The following LRP6 variants were observed in gnomAD, a reference collection of about 807,000 sequenced individuals.
LRP6 encodes low-density lipoprotein receptor-related protein 6.
LRP6 carries 43 observed loss-of-function variants against 184.1 expected under a neutral mutation model. That is an observed-to-expected ratio of 0.23 (90% CI 0.18 to 0.30). LRP6 has a LOEUF of 0.30. Ranked by LOEUF, LRP6 falls within the 10% of genes least tolerant of loss-of-function variation. LRP6 has a pLI of 1.00. For synonymous variants in LRP6, 719 were observed against 684.9 expected (o/e 1.05, Z -0.78); for missense variants, 1,571 against 2,005.3 (o/e 0.78, Z 4.14).
At chr12:12,183,321 T>C (rs1013418187) in intron 5 of LRP6, among the ~76,000 whole-genome samples, 1 of 152,166 alleles carries the variant, frequency 6.6e-6, no homozygotes, top group African/African-American at 2.4e-5. Context: ...AAGAATAACA[T>C]TCTCATTAAG....
Position 12,165,142 on chromosome 12 carries a change from C to G in LRP6, c.1699G>C (p.Val567Leu). 6.2e-7 allele frequency: 1 copy of G among 1,614,090 alleles called. No homozygotes were observed. Among genetic ancestry groups the G allele is most frequent in the Non-Finnish European group, 8.5e-7 (1 of 1,180,018 alleles). ...RVHKRSAEREVIIDQLPDLMG... is the reference protein window; with the variant it reads ...RVHKRSAERELIIDQLPDLMG... Reference sequence around the variant, plus strand: ...AGGTCAGGCAGCTGATCTATGATCACTTCCCTCTCTGCACTTCGTTTATGA... The same window carrying G: ...AGGTCAGGCAGCTGATCTATGATCAGTTCCCTCTCTGCACTTCGTTTATGA... Residue 567 changes from valine (V) to leucine (L), a missense_variant, in exon 8 of 23, where the codon GTG (valine) becomes CTG (leucine). Val to Leu is a conservative substitution (Grantham distance 32). Transcript: ENST00000261349.
intron 7 of LRP6, 45 bp from the exon 8 acceptor site, chr12:12,165,340 AT>A (rs1439123071): frequency 1.5e-6 from 2 of 1,351,696 alleles, no homozygotes; most frequent in African/African-American, 2.8e-5. Context: ...TTATGCATTT[AT>A]TCTTCAGCTA....
chr12:12,132,167 CT>C, intron 17 of LRP6, 110 bp from the exon 18 acceptor site: 1 of 745,786 alleles, frequency 1.3e-6, no homozygotes, highest in Non-Finnish European at 2.4e-6. Flanking sequence ...ACACAAAATA[CT>C]TTATAATAAA....
At chr12:12,131,296 G>A (rs1346918506) in intron 18 of LRP6, among the ~76,000 whole-genome samples, 3 of 151,594 alleles carry the variant, frequency 2.0e-5, no homozygotes, top group African/African-American at 7.3e-5. Flanking sequence ...TTTTAGTAGA[G>A]ATGGGGTTTC....
intron 12 of LRP6, among the ~76,000 whole-genome samples, chr12:12,152,091 G>A (rs1031295075): frequency 3.3e-5 from 5 of 152,058 alleles, no homozygotes; most frequent in Non-Finnish European, 5.9e-5. Context: ...ACCCAGGGGC[G>A]GGTAATTGAA....
intron 4 of LRP6, among the ~76,000 whole-genome samples, chr12:12,184,627 A>T (rs1174846051): frequency 6.6e-6 from 1 of 152,188 alleles, no homozygotes; most frequent in Non-Finnish European, 1.5e-5. Context: ...GTAAGATATT[A>T]AGGTGAACAG....
intron 7 of LRP6, among the ~76,000 whole-genome samples, chr12:12,177,922 GAAA>G (rs918669244): frequency 6.6e-6 from 1 of 151,880 alleles, no homozygotes; most frequent in South Asian, 2.1e-4. Context: ...ACGAATGAAT[GAAA>G]AAAATTAAAA....
intron 1 of LRP6, among the ~76,000 whole-genome samples, chr12:12,244,905 A>G (rs1865149637): frequency 6.6e-6 from 1 of 152,194 alleles, no homozygotes; most frequent in African/African-American, 2.4e-5. Flanking sequence ...AACTCAGATA[A>G]AATTTTAAAG....
chr12:12,199,790 C>A (rs1863864375), intron 3 of LRP6, among the ~76,000 whole-genome samples: 1 of 151,662 alleles, frequency 6.6e-6, no homozygotes, highest in African/African-American at 2.4e-5. Flanking sequence ...ATGGTGAAAT[C>A]CCGCCTCTAC....
chr12:12,212,732 A>C (rs1201456685), intron 2 of LRP6, among the ~76,000 whole-genome samples: 2 of 152,190 alleles, frequency 1.3e-5, no homozygotes, highest in African/African-American at 4.8e-5. Context: ...TTTTTCATTA[A>C]ATGGTCTCAT....
chr12:12,155,295 C>A (rs976365308), intron 12 of LRP6: 2 of 753,114 alleles, frequency 2.7e-6, no homozygotes, highest in Non-Finnish European at 4.9e-6. Context: ...GAGAGGCACC[C>A]GATACGTGTT....
intron 2 of LRP6, among the ~76,000 whole-genome samples, chr12:12,205,500 A>C (rs1864035197): frequency 6.6e-6 from 1 of 152,180 alleles, no homozygotes; most frequent in South Asian, 2.1e-4. Context: ...TGATGTCTCC[A>C]CTATTTCATA....
chr12:12,129,478 A>G (rs987607398), intron 19 of LRP6, among the ~76,000 whole-genome samples: 2 of 152,136 alleles, frequency 1.3e-5, no homozygotes, highest in African/African-American at 4.8e-5. Context: ...TTTGAACAGT[A>G]TATTCCCTCT....
chr12:12,231,900 A>C (rs1310414813), intron 2 of LRP6, among the ~76,000 whole-genome samples: 2 of 151,872 alleles, frequency 1.3e-5, no homozygotes, highest in Non-Finnish European at 2.9e-5. Context: ...CTACAGTCCT[A>C]GCTACTTAGG....
chr12:12,234,820 C>T (rs1179540595), intron 2 of LRP6, among the ~76,000 whole-genome samples: 3 of 147,878 alleles, frequency 2.0e-5, no homozygotes, highest in South Asian at 2.1e-4. Context: ...AGAGAGACTA[C>T]GTCTCAAAAA....
At chr12:12,204,131 CAT>C (rs1288435071) in intron 2 of LRP6, among the ~76,000 whole-genome samples, 1 of 151,972 alleles carries the variant, frequency 6.6e-6, no homozygotes, top group Admixed American at 6.6e-5. Context: ...CTTTACAGAA[CAT>C]AGTGTCTTTT....
chr12:12,220,457 T>C (rs1300718028), intron 2 of LRP6, among the ~76,000 whole-genome samples: 1 of 152,174 alleles, frequency 6.6e-6, no homozygotes, highest in Non-Finnish European at 1.5e-5. Flanking sequence ...TAGCACACTG[T>C]TCCTGCACAA....
chr12:12,181,030 T>A lies in LRP6; in HGVS notation c.1373+13A>T. ...AACACCACACAGAATTTACTATCAG[T>A]AGAGCTTCTTACCCAACCATGGGAT... On this transcript the variant is annotated intron_variant, in intron 6 of 22. Coordinates refer to ENST00000261349, the MANE Select transcript of LRP6 (RefSeq NM_002336.3). The A allele has an allele frequency of 6.2e-7, 1 of 1,614,002 alleles. No individual in the cohort carries two copies. The highest frequency in any genetic ancestry group is 8.5e-7 in the Non-Finnish European group (1 of 1,179,872).
intron 18 of LRP6, among the ~76,000 whole-genome samples, 175 bp from the exon 19 acceptor site, chr12:12,131,068 G>GA (rs926922314): frequency 2.9e-5 from 4 of 136,874 alleles, no homozygotes; most frequent in African/African-American, 8.1e-5. Flanking sequence ...AAGAGTAGGA[G>GA]AAAAAAATCC....
Sources: allele counts gnomAD v4.1 joint callset (sites outside exome capture counted in the v4.1 genomes callset), GRCh38; gene constraint gnomAD v4.1.1; transcripts MANE v1.5; gene names NCBI Gene and HGNC (gene_info 2026-07-23, HGNC 2026-07-21).